LARGE1: variants seen among roughly 807,000 people sequenced by gnomAD.
The protein encoded by LARGE1 is xylosyl- and glucuronyltransferase LARGE1.
A neutral mutation model predicts 87.6 loss-of-function variants in LARGE1; 43 were observed. The ratio of observed to expected loss-of-function variants is 0.49; its 90% CI spans 0.38 to 0.63. The LOEUF (loss-of-function observed/expected upper bound fraction) is 0.63, where lower values mean the gene tolerates loss of function less well. LARGE1 is among the 30% of genes least tolerant of loss of function. The pLI, the probability that LARGE1 is intolerant of heterozygous loss-of-function variation, is 0.00. For missense variants in LARGE1, 802 were observed against 1,000.2 expected (o/e 0.80, Z 2.67); for synonymous variants, 434 against 394.6 (o/e 1.10, Z -1.18).
intron 1 of LARGE1, among the ~76,000 whole-genome samples, chr22:33,807,247 AC>A (rs2086341326): frequency 1.3e-5 from 2 of 152,168 alleles, no homozygotes; most frequent in African/African-American, 4.8e-5. Context: ...CAGTCATGTT[AC>A]CCGCCTCACA....
intron 4 of LARGE1, among the ~76,000 whole-genome samples, chr22:33,606,229 C>T (rs1314674519): frequency 6.6e-6 from 1 of 151,950 alleles, no homozygotes; most frequent in African/African-American, 2.4e-5. Flanking sequence ...CACAGTGAAA[C>T]CCCATCTCTA....
chr22:33,823,361 A>G (rs1308470491), intron 1 of LARGE1, among the ~76,000 whole-genome samples: 1 of 152,230 alleles, frequency 6.6e-6, no homozygotes, highest in Non-Finnish European at 1.5e-5. Context: ...CCAAGGACAG[A>G]AGCCTTATGT....
At chr22:33,126,634 G>A in the LARGE1 span, among the ~76,000 whole-genome samples, 22 of 152,156 alleles carry the variant, frequency 1.4e-4, no homozygotes, top group Admixed American at 1.4e-3. Context: ...CACCTTCTCT[G>A]CAACTCAACT....
chr22:33,427,499 C>T (rs1431549190), intron 7 of LARGE1, among the ~76,000 whole-genome samples: 1 of 152,136 alleles, frequency 6.6e-6, no homozygotes, highest in Non-Finnish European at 1.5e-5. Flanking sequence ...AACTGACTGA[C>T]TCTTGTAGGG....
intron 2 of LARGE1, among the ~76,000 whole-genome samples, chr22:33,740,748 C>A (rs1211349033): frequency 6.6e-6 from 1 of 152,194 alleles, no homozygotes; most frequent in Non-Finnish European, 1.5e-5. Context: ...ACCTTGAAGT[C>A]CTGCAACCTG....
At chr22:33,739,635 G>GC (rs1409502245) in intron 2 of LARGE1, among the ~76,000 whole-genome samples, 1 of 152,166 alleles carries the variant, frequency 6.6e-6, no homozygotes, top group Non-Finnish European at 1.5e-5. Flanking sequence ...TCACTGAAAC[G>GC]CATCTGCAGA....
the LARGE1 span, among the ~76,000 whole-genome samples, chr22:33,068,227 A>G: frequency 6.6e-6 from 1 of 152,294 alleles, no homozygotes; most frequent in East Asian, 1.9e-4. Flanking sequence ...GGCAGGTGGC[A>G]TTTTAATCCC....
At chr22:33,679,769 G>A (rs2081695310) in intron 2 of LARGE1, among the ~76,000 whole-genome samples, 1 of 152,190 alleles carries the variant, frequency 6.6e-6, no homozygotes, top group Non-Finnish European at 1.5e-5. Context: ...TTGAACCCGG[G>A]AGGCGGAGGT....
At chr22:33,571,257 T>C (rs2078194916) in intron 5 of LARGE1, among the ~76,000 whole-genome samples, 1 of 152,120 alleles carries the variant, frequency 6.6e-6, no homozygotes, top group Admixed American at 6.5e-5. Context: ...TTGGGGATGC[T>C]CTCAAAGGGA....
At chr22:33,543,207 GA>G (rs1371768001) in intron 6 of LARGE1, among the ~76,000 whole-genome samples, 1 of 108,118 alleles carries the variant, frequency 9.2e-6, no homozygotes, top group African/African-American at 2.9e-5. Context: ...GGCCAAAAAA[GA>G]AAAAAAGAAA....
At chr22:33,210,711 C>T (rs1179283081) in intron 11 of LARGE1, among the ~76,000 whole-genome samples, 1 of 152,282 alleles carries the variant, frequency 6.6e-6, no homozygotes, top group Non-Finnish European at 1.5e-5. Context: ...GGCGCTCACA[C>T]GCACACGGGC....
At chr22:33,595,705 A>T (rs2148939433) in intron 5 of LARGE1, among the ~76,000 whole-genome samples, 1 of 152,366 alleles carries the variant, frequency 6.6e-6, no homozygotes, top group East Asian at 1.9e-4. Flanking sequence ...AGCTCAAAAC[A>T]TAGAAGCCAG....
At chr22:33,311,241 T>A (rs1181374981) in intron 11 of LARGE1, among the ~76,000 whole-genome samples, 2 of 152,202 alleles carry the variant, frequency 1.3e-5, no homozygotes, top group South Asian at 4.1e-4. Flanking sequence ...ATTACAGGCG[T>A]GAGCCACCGC....
rs113385628 is a variant in LARGE1 at position 33,283,171 on chromosome 22, C to T, written c.1877+31G>A. Reference sequence around the variant, plus strand: ...CCAGGAGAAAGAAGGCCTTCGAGCACCCCCAGAGTACAGCAGCTAGAGCCA... The same window carrying T: ...CCAGGAGAAAGAAGGCCTTCGAGCATCCCCAGAGTACAGCAGCTAGAGCCA... On this transcript the variant is annotated intron_variant, in intron 13 of 14. Transcript: ENST00000397394. 403 of 1,613,454 alleles carry T rather than the reference C, an allele frequency of 2.5e-4. 4 individuals carry two copies. The African/African-American group carries it at 4.6e-3, about 18-fold the overall frequency.
Position 33,542,526 on chromosome 22 carries a change from G to A in LARGE1, c.787+22322C>T, listed in dbSNP as rs954629604. 2.7e-5 allele frequency among the ~76,000 whole-genome samples: 4 copies of A among 150,926 alleles called. No individual in the cohort carries two copies. The East Asian group carries it at 7.7e-4, about 29-fold the overall frequency. ...ATCGTAGAATCCAAAGAGCCCAGAG[G>A]CCAGAGACCTAATTTTGTTTATTCA... On this transcript the variant is annotated intron_variant, in intron 6 of 14. Coordinates refer to ENST00000397394, the MANE Select transcript of LARGE1 (RefSeq NM_133642.5).
chr22:33,538,612 T>C (rs1012082254), intron 6 of LARGE1, among the ~76,000 whole-genome samples: 2 of 152,036 alleles, frequency 1.3e-5, no homozygotes, highest in African/African-American at 4.8e-5. Context: ...ATGCTTGGAA[T>C]ACAGAGATAA....
At chr22:33,424,907 C>A (rs939174292) in intron 7 of LARGE1, among the ~76,000 whole-genome samples, 1 of 151,996 alleles carries the variant, frequency 6.6e-6, no homozygotes, top group Non-Finnish European at 1.5e-5. Context: ...AAGGTGGGGC[C>A]TTTGGGAAGT....
the LARGE1 span, among the ~76,000 whole-genome samples, chr22:33,087,972 C>T: frequency 6.6e-6 from 1 of 152,006 alleles, no homozygotes; most frequent in Non-Finnish European, 1.5e-5. Context: ...TTTAATTTCT[C>T]AGTAACATAA....
At chr22:33,710,770 G>A (rs183615252) in intron 2 of LARGE1, among the ~76,000 whole-genome samples, 6 of 152,240 alleles carry the variant, frequency 3.9e-5, no homozygotes, top group Admixed American at 6.5e-5. Context: ...TAACGGAGTC[G>A]TCCTACACAT....
Sources: allele counts gnomAD v4.1 joint callset (sites outside exome capture counted in the v4.1 genomes callset), GRCh38; gene constraint gnomAD v4.1.1; transcripts MANE v1.5; gene names NCBI Gene and HGNC (gene_info 2026-07-23, HGNC 2026-07-21).